Variants in NDRG1 observed in about 807,000 individuals in gnomAD.
NDRG1 encodes the protein protein NDRG1.
NDRG1 carries 32 observed loss-of-function variants against 56.9 expected under a neutral mutation model. The observed-to-expected ratio is 0.56, with a 90% confidence interval of 0.42 to 0.76. The LOEUF is 0.76. NDRG1 is among the 30% of genes least tolerant of loss of function. The probability of loss-of-function intolerance (pLI) is 0.00; values close to 1 mark genes in which losing one functional copy is unlikely to be tolerated. For missense variants in NDRG1, 507 were observed against 545.7 expected, an observed-to-expected ratio of 0.93 and a Z score of 0.71; for synonymous variants, 211 against 204.1, an observed-to-expected ratio of 1.03 and a Z score of -0.29.
intron 15 of NDRG1, 79 bp downstream of exon 15, chr8:133,241,944 C>T (rs1440945400): frequency 1.3e-6 from 2 of 1,553,710 alleles, no homozygotes; most frequent in African/African-American, 1.4e-5. Context: ...AATTGCTCAT[C>T]CAAACCTGGC....
In NDRG1 at chr8:133,239,070, AC is replaced by A. The variant is rs781164918; in HGVS notation, c.992del (p.Gly331ValfsTer146). ...TRLMRSRTAS[G>X]SSVTSLDGTR... ...TGCCATCCAGAGAAGTGACGCTGGAACCAGAGGCTGTGCGGGACCGCATCAG... is the reference window on the plus strand; with the variant it reads ...TGCCATCCAGAGAAGTGACGCTGGAACAGAGGCTGTGCGGGACCGCATCAG... On this transcript the variant is annotated frameshift_variant, in exon 16 of 16. Transcript: ENST00000323851. LOFTEE classifies it high-confidence loss of function. 6.3e-7 allele frequency: 1 copy of A among 1,584,052 alleles called. No individual in the cohort carries two copies. Among genetic ancestry groups the A allele is most frequent in the South Asian group, 1.2e-5 (1 of 86,542 alleles).
chr8:133,293,091 T>C (rs1429584267), intron 1 of NDRG1, among the ~76,000 whole-genome samples: 2 of 152,212 alleles, frequency 1.3e-5, no homozygotes, highest in East Asian at 1.9e-4. Flanking sequence ...TCTTTTCACA[T>C]GGCCCCCACC....
At chr8:133,272,548 C>T (rs2130767056) in intron 3 of NDRG1, among the ~76,000 whole-genome samples, 1 of 152,336 alleles carries the variant, frequency 6.6e-6, no homozygotes, top group South Asian at 2.1e-4. Context: ...TCTGGGACAC[C>T]AGGAGATGAG....
intron 5 of NDRG1, chr8:133,259,475 A>C: frequency 1.8e-6 from 1 of 564,336 alleles, no homozygotes; most frequent in Non-Finnish European, 3.2e-6. Context: ...TTTTCACAAT[A>C]ACTCTAGGAG....
chr8:133,262,415 T>G (rs1294280661), intron 4 of NDRG1, among the ~76,000 whole-genome samples: 1 of 152,040 alleles, frequency 6.6e-6, no homozygotes, highest in Non-Finnish European at 1.5e-5. Context: ...AGTCTTGCAG[T>G]TGGTGCTGGA....
At chr8:133,296,500 TCA>T (rs1858771162) in intron 1 of NDRG1, 1 of 454,722 alleles carries the variant, frequency 2.2e-6, no homozygotes, top group African/African-American at 2.0e-5. Context: ...ACGCTTACAC[TCA>T]CACATGCACA....
At chr8:133,247,331 C>T (rs58555923) in intron 12 of NDRG1, among the ~76,000 whole-genome samples, 5,685 of 152,316 alleles carry the variant, frequency 0.037, 322 homozygotes, top group African/African-American at 0.13. Flanking sequence ...CAGATCACTG[C>T]ACAAAGCATG....
At chr8:133,281,832 A>G (rs1320843227) in intron 2 of NDRG1, among the ~76,000 whole-genome samples, 2 of 152,174 alleles carry the variant, frequency 1.3e-5, no homozygotes, top group Admixed American at 6.5e-5. Flanking sequence ...GCTGGCACCT[A>G]TACCATTGCC....
chr8:133,255,307 C>T (rs1856308170), intron 8 of NDRG1: 1 of 456,108 alleles, frequency 2.2e-6, no homozygotes, highest in African/African-American at 2.0e-5. Flanking sequence ...ACTGGGAGTG[C>T]CAGGAACTTC....
intron 4 of NDRG1, among the ~76,000 whole-genome samples, chr8:133,264,128 C>T (rs1856793007): frequency 6.6e-6 from 1 of 151,758 alleles, no homozygotes; most frequent in African/African-American, 2.4e-5. Flanking sequence ...AATTCCAGAA[C>T]AGGCAAATTC....
At position 133,262,033 on chromosome 8, in the gene NDRG1, A is replaced by G. The variant is rs556459212; in HGVS notation, c.326+14T>C. Reference sequence around the variant, plus strand: ...TTCCACCCTGTAGAGCTCATAGGGCAAGAGGCCTCTCACCCTGCGGGGAAG... The same window carrying G: ...TTCCACCCTGTAGAGCTCATAGGGCGAGAGGCCTCTCACCCTGCGGGGAAG... On this transcript the variant is annotated intron_variant, in intron 5 of 15. Coordinates refer to ENST00000323851, the MANE Select transcript of NDRG1 (RefSeq NM_006096.4). The G allele has an allele frequency of 1.8e-5, 29 of 1,606,556 alleles. No homozygotes were observed. The South Asian group carries it at 2.9e-4, about 16-fold the overall frequency.
intron 5 of NDRG1, among the ~76,000 whole-genome samples, chr8:133,260,015 A>G (rs1856584300): frequency 6.6e-6 from 1 of 152,224 alleles, no homozygotes; most frequent in South Asian, 2.1e-4. Flanking sequence ...CTCCACATCA[A>G]CAGAGCCACT....
At chr8:133,256,597 C>T (rs531168880) in intron 8 of NDRG1, among the ~76,000 whole-genome samples, 180 bp downstream of exon 8, 10 of 152,300 alleles carry the variant, frequency 6.6e-5, no homozygotes, top group South Asian at 6.2e-4. Context: ...GAATGGCAAA[C>T]GGCTGAGGTC....
At chr8:133,271,895 T>C (rs1857211034) in intron 3 of NDRG1, among the ~76,000 whole-genome samples, 1 of 150,006 alleles carries the variant, frequency 6.7e-6, no homozygotes, top group South Asian at 2.2e-4. Flanking sequence ...GCCACCCACT[T>C]ACTGAGCAAG....
At position 133,280,260 on chromosome 8, in the gene NDRG1, G is replaced by A. The variant is rs1331613763; in HGVS notation, c.71C>T (p.Thr24Ile). The part of the protein sequence containing the change: ...KPLVEKGETI[T>I]GLLQEFDVQE... ...GACATCAAACTCTTGCAGGAGGCCG[G>A]TGATGGTCTGTGAAAAGACAAAAAA... is the stretch of plus-strand genomic sequence containing the variant. Residue 24 changes from threonine (T) to isoleucine (I), a missense_variant, in exon 3 of 16, where the codon ACC (threonine) becomes ATC (isoleucine). Physicochemically the swap from Thr to Ile is moderately conservative, Grantham distance 89. Coordinates refer to ENST00000323851, the MANE Select transcript of NDRG1 (RefSeq NM_006096.4). 3 of 1,614,074 alleles carry A rather than the reference G, an allele frequency of 1.9e-6. No homozygotes were observed. Among genetic ancestry groups the A allele is most frequent in the East Asian group, 2.2e-5 (1 of 44,880 alleles).
chr8:133,267,783 C>T (rs1856993880), intron 3 of NDRG1, among the ~76,000 whole-genome samples: 1 of 152,174 alleles, frequency 6.6e-6, no homozygotes, highest in Non-Finnish European at 1.5e-5. Context: ...CTCCGAGCCT[C>T]CAGGTCCTCA....
intron 2 of NDRG1, among the ~76,000 whole-genome samples, chr8:133,281,491 G>A (rs1362578001): frequency 2.0e-5 from 3 of 152,180 alleles, no homozygotes; most frequent in Non-Finnish European, 4.4e-5. Context: ...TGACTCGGAG[G>A]ACCAACTGGA....
At chr8:133,265,851 C>T (rs998991313) in intron 3 of NDRG1, among the ~76,000 whole-genome samples, 2 of 152,262 alleles carry the variant, frequency 1.3e-5, no homozygotes, top group African/African-American at 4.8e-5. Flanking sequence ...CATGCCTACC[C>T]TGGGCTTCCG....
At chr8:133,260,897 T>G (rs1164582046) in intron 5 of NDRG1, among the ~76,000 whole-genome samples, 1 of 152,156 alleles carries the variant, frequency 6.6e-6, no homozygotes, top group Admixed American at 6.5e-5. Context: ...CTCTGAGGTC[T>G]GCCACCCCCA....
Sources: gnomAD v4.1 joint callset for allele counts (sites outside exome capture counted in the v4.1 genomes callset) on GRCh38, gnomAD v4.1.1 for gene constraint, MANE v1.5 for transcripts, NCBI Gene and HGNC (gene_info 2026-07-23, HGNC 2026-07-21) for gene names.